TSC22D1: variants seen among roughly 807,000 people sequenced by gnomAD.
The protein encoded by TSC22D1 is TSC22 domain family protein 1.
A neutral mutation model predicts 74.2 loss-of-function variants in TSC22D1; 9 were observed. The observed-to-expected ratio is 0.12, with a 90% CI of 0.07 to 0.21. The LOEUF (loss-of-function observed/expected upper bound fraction) is 0.21. TSC22D1 is among the 10% of genes least tolerant of loss of function. The probability of loss-of-function intolerance (pLI) is 1.00; values close to 1 mark genes in which losing one functional copy is unlikely to be tolerated. For synonymous variants in TSC22D1, 586 were observed against 492.5 expected (o/e 1.19, Z -2.51); for missense variants, 1,427 against 1,304.7 (o/e 1.09, Z -1.44).
chr13:44,569,079 T>C (rs1883571035), intron 1 of TSC22D1, among the ~76,000 whole-genome samples: 1 of 152,236 alleles, frequency 6.6e-6, no homozygotes, highest in South Asian at 2.1e-4. Flanking sequence ...TGTATTTTAT[T>C]TAACAAATAC....
intron 1 of TSC22D1, among the ~76,000 whole-genome samples, chr13:44,530,899 C>A (rs952774028): frequency 2.0e-5 from 3 of 152,144 alleles, no homozygotes; most frequent in African/African-American, 7.2e-5. Flanking sequence ...GATGGGAATG[C>A]AAAATGGTAA....
At chr13:44,572,829 C>G (rs1241025040) in intron 1 of TSC22D1, among the ~76,000 whole-genome samples, 1 of 152,132 alleles carries the variant, frequency 6.6e-6, no homozygotes, top group Non-Finnish European at 1.5e-5. Context: ...AATAGATTAA[C>G]TATTATGTGG....
chr13:44,494,944 T>C (rs1878897856), intron 1 of TSC22D1, among the ~76,000 whole-genome samples: 1 of 152,154 alleles, frequency 6.6e-6, no homozygotes, highest in Admixed American at 6.5e-5. Context: ...AGAGAAATTC[T>C]AGAATTGATA....
chr13:44,435,097 C>T, intron 2 of TSC22D1: 1 of 517,264 alleles, frequency 1.9e-6, no homozygotes, highest in African/African-American at 2.0e-5. Context: ...AAAGTCTGTG[C>T]TTCTCTGCAG....
intron 1 of TSC22D1, among the ~76,000 whole-genome samples, chr13:44,438,332 A>C (rs1165978437): frequency 6.6e-6 from 1 of 152,240 alleles, no homozygotes; most frequent in African/African-American, 2.4e-5. Context: ...AAACACACAC[A>C]GTCTTCTCTC....
chr13:44,517,847 ATATATATATATTTTTTTTTT>A (rs1281349177), intron 1 of TSC22D1, among the ~76,000 whole-genome samples: 671 of 24,066 alleles, frequency 0.028, 45 homozygotes, highest in South Asian at 0.14. Flanking sequence ...ATATATATAT[ATATATATATATTTTTTTTTT>A]TTTTTTTTTT....
chr13:44,556,108 T>C, intron 1 of TSC22D1, among the ~76,000 whole-genome samples: 1 of 152,194 alleles, frequency 6.6e-6, no homozygotes. Flanking sequence ...TCTTTTAAGA[T>C]ACATCTTTAC....
chr13:44,544,775 G>A (rs920445151), intron 1 of TSC22D1, among the ~76,000 whole-genome samples: 5 of 151,776 alleles, frequency 3.3e-5, no homozygotes, highest in East Asian at 3.9e-4. Context: ...AAATGTTACC[G>A]GTATTCAAGT....
At chr13:44,475,598 G>T (rs536870931) in intron 1 of TSC22D1, among the ~76,000 whole-genome samples, 2 of 151,674 alleles carry the variant, frequency 1.3e-5, no homozygotes, top group Non-Finnish European at 2.9e-5. Flanking sequence ...CCAGCAAGCC[G>T]CCAGTATAAT....
intron 1 of TSC22D1, among the ~76,000 whole-genome samples, chr13:44,568,792 T>C (rs528876124): frequency 6.6e-6 from 1 of 152,054 alleles, no homozygotes; most frequent in Non-Finnish European, 1.5e-5. Context: ...GAGGGGCAAC[T>C]TGGAGAAAAC....
intron 1 of TSC22D1, among the ~76,000 whole-genome samples, chr13:44,548,079 G>GAACTA (rs1470483128): frequency 6.6e-6 from 1 of 152,192 alleles, no homozygotes; most frequent in Non-Finnish European, 1.5e-5. Context: ...ACAAAGTGGT[G>GAACTA]AACTAACTCA....
At chr13:44,502,345 T>C (rs1328307634) in intron 1 of TSC22D1, among the ~76,000 whole-genome samples, 1 of 152,184 alleles carries the variant, frequency 6.6e-6, no homozygotes, top group South Asian at 2.1e-4. Context: ...ATTGTCTTCA[T>C]TTTTCAGAGT....
chr13:44,434,197 G>T lies in TSC22D1; in HGVS notation c.*429C>A, dbSNP rs1053948. The T allele has an allele frequency of 3.0e-5, 44 of 1,457,612 alleles. No individual in the cohort carries two copies. The highest frequency in any genetic ancestry group is 2.4e-4 in the East Asian group (9 of 38,138). 90.3% of individuals were successfully genotyped at this position (1,457,612 alleles called of 1,614,324 possible). ...TTACCCTCCTTTCAAGTTCCTCCTG[G>T]GGGGAGGAGAGGAGAGAGGCGAGTC... On this transcript the variant is annotated 3_prime_UTR_variant, in exon 3 of 3. Coordinates refer to ENST00000458659, the MANE Select transcript of TSC22D1 (RefSeq NM_183422.4).
intron 1 of TSC22D1, among the ~76,000 whole-genome samples, chr13:44,565,388 C>T (rs1184028191): frequency 6.6e-6 from 1 of 152,054 alleles, no homozygotes; most frequent in African/African-American, 2.4e-5. Flanking sequence ...TCAACTAGGC[C>T]TAATCGTGCT....
At chr13:44,547,295 T>C (rs1881888434) in intron 1 of TSC22D1, among the ~76,000 whole-genome samples, 1 of 152,170 alleles carries the variant, frequency 6.6e-6, no homozygotes, top group South Asian at 2.1e-4. Context: ...TGTTCTGTAC[T>C]AATATCAGAA....
chr13:44,552,233 T>C (rs1021645160), intron 1 of TSC22D1, among the ~76,000 whole-genome samples: 1 of 152,244 alleles, frequency 6.6e-6, no homozygotes, highest in South Asian at 2.1e-4. Flanking sequence ...CAACCCTTTC[T>C]GTACTTCATA....
rs567997157 is a variant in TSC22D1 at position 44,538,018 on chromosome 13, A to G, written c.2912+35145T>C. Reference sequence around the variant, plus strand: ...GTTAATAGATACCAAAGAAAGAAACAGAAACATTTTGATAACTACTTCAAT... The same window carrying G: ...GTTAATAGATACCAAAGAAAGAAACGGAAACATTTTGATAACTACTTCAAT... On this transcript the variant is annotated intron_variant, in intron 1 of 2. Transcript: ENST00000458659. 3 of 985,192 alleles carry G rather than the reference A, an allele frequency of 3.0e-6. No individual in the cohort carries two copies. The African/African-American group carries it at 5.2e-5, about 17-fold the overall frequency. 61.0% of individuals were successfully genotyped at this position (985,192 alleles called of 1,614,324 possible).
At chr13:44,541,719 A>G (rs1362632870) in intron 1 of TSC22D1, among the ~76,000 whole-genome samples, 1 of 152,148 alleles carries the variant, frequency 6.6e-6, no homozygotes, top group African/African-American at 2.4e-5. Flanking sequence ...AAGGATCTGA[A>G]TGCTGAATCT....
At chr13:44,537,664 G>C in intron 1 of TSC22D1, 1 of 984,458 alleles carries the variant, frequency 1.0e-6, no homozygotes, top group Non-Finnish European at 1.2e-6. Flanking sequence ...AACAAGTCGG[G>C]AGTAAAAGCT....
Sources: allele counts gnomAD v4.1 joint callset (sites outside exome capture counted in the v4.1 genomes callset), GRCh38; gene constraint gnomAD v4.1.1; transcripts MANE v1.5; gene names NCBI Gene and HGNC (gene_info 2026-07-23, HGNC 2026-07-21).